Variants in NEK10 observed in about 807,000 individuals in gnomAD.
The protein encoded by NEK10 is serine/threonine-protein kinase Nek10.
NEK10 carries 122 observed loss-of-function variants against 159.8 expected under a neutral mutation model. That is an observed-to-expected ratio of 0.76 (90% CI 0.66 to 0.89). The LOEUF (loss-of-function observed/expected upper bound fraction) is 0.89. Ranked by LOEUF, NEK10 falls within the 40% of genes least tolerant of loss-of-function variation. NEK10 has a pLI of 0.00. For missense variants in NEK10, 1,342 were observed against 1,323.1 expected, an observed-to-expected ratio of 1.01 and a Z score of -0.22; for synonymous variants, 466 against 457.1, an observed-to-expected ratio of 1.02 and a Z score of -0.25.
intron 5 of NEK10, among the ~76,000 whole-genome samples, chr3:27,340,912 C>G (rs1286277442): frequency 6.6e-6 from 1 of 152,166 alleles, no homozygotes; most frequent in Non-Finnish European, 1.5e-5. Context: ...TTTATTGCAG[C>G]ACTGTTCACA....
At chr3:27,143,336 T>G (rs1286762221) in intron 30 of NEK10, 1 of 560,150 alleles carries the variant, frequency 1.8e-6, no homozygotes, top group Non-Finnish European at 3.2e-6. Context: ...GCAACATTCA[T>G]AGTTTATAGA....
intron 1 of NEK10, among the ~76,000 whole-genome samples, chr3:27,353,808 C>G (rs1419621969): frequency 6.6e-6 from 1 of 151,910 alleles, no homozygotes; most frequent in African/African-American, 2.4e-5. Flanking sequence ...GCGTTTCTAC[C>G]ACAAGCAAAA....
Position 27,291,505 on chromosome 3 carries a change from T to C in NEK10, c.1455A>G (p.Val485=), listed in dbSNP as rs772605538. 7.5e-6 allele frequency: 12 copies of C among 1,610,188 alleles called. No homozygotes were observed. The highest frequency in any genetic ancestry group is 1.0e-5 in the Non-Finnish European group (12 of 1,176,428). The change falls in exon 17 of 36, where the codon GTA becomes GTG. Residue 485 remains valine (V), a synonymous_variant. Transcript: ENST00000691995. The part of the protein sequence containing the change: ...VRDISAYEEL[V]SKLNLLVEDE... ...TTACCACTAATAAATTCAGCTTGGA[T>C]ACCAATTCTTCATAAGCACTGATAT... is the stretch of plus-strand genomic sequence containing the variant.
intron 23 of NEK10, among the ~76,000 whole-genome samples, chr3:27,228,456 G>A (rs922027065): frequency 6.6e-6 from 1 of 151,910 alleles, no homozygotes; most frequent in African/African-American, 2.4e-5. Context: ...TTAGCTAGAT[G>A]CTGTTGTTTT....
At chr3:27,201,624 G>A (rs372888210) in intron 24 of NEK10, 44 bp from the exon 25 acceptor site, 48 of 1,422,564 alleles carry the variant, frequency 3.4e-5, no homozygotes, top group African/African-American at 3.2e-4. Flanking sequence ...AAGGGGCCAC[G>A]GATGTCTTTG....
At chr3:27,167,881 C>A (rs1358390560) in intron 29 of NEK10, among the ~76,000 whole-genome samples, 3 of 152,188 alleles carry the variant, frequency 2.0e-5, no homozygotes, top group African/African-American at 7.2e-5. Flanking sequence ...TCTGAGCAGG[C>A]AGGGGCTATC....
At chr3:27,141,945 C>T (rs569985353) in intron 30 of NEK10, among the ~76,000 whole-genome samples, 1 of 152,202 alleles carries the variant, frequency 6.6e-6, no homozygotes, top group South Asian at 2.1e-4. Context: ...GGCTATCATG[C>T]TTTTAACTTT....
intron 25 of NEK10, among the ~76,000 whole-genome samples, chr3:27,199,072 C>CAA (rs35333904): frequency 2.2e-4 from 17 of 77,702 alleles, no homozygotes; most frequent in East Asian, 2.1e-3. Context: ...GACTCCATCT[C>CAA]AAAAAAAAAA....
chr3:27,259,036 T>C lies in NEK10; in HGVS notation c.2015-2665A>G, dbSNP rs866188712. Among the ~76,000 whole-genome samples the C allele has an allele frequency of 3.6e-4, 54 of 152,052 alleles. No homozygotes were observed. In the Middle Eastern group the frequency reaches 0.01, roughly 29 times the overall value. Reference sequence around the variant, plus strand: ...TGTCTTCTTTTGAGAAGTGTCTGTTTATATCCTTCACCCACTTGTTGATGC... The same window carrying C: ...TGTCTTCTTTTGAGAAGTGTCTGTTCATATCCTTCACCCACTTGTTGATGC... On this transcript the variant is annotated intron_variant, in intron 22 of 35. Coordinates refer to ENST00000691995, the MANE Select transcript of NEK10 (RefSeq NM_001394966.1).
chr3:27,121,981 T>G (rs1003579765), intron 32 of NEK10, among the ~76,000 whole-genome samples: 1 of 152,178 alleles, frequency 6.6e-6, no homozygotes, highest in African/African-American at 2.4e-5. Flanking sequence ...AAAAATTAAT[T>G]TTTTCCATCA....
chr3:27,260,934 C>T (rs2040355404), intron 22 of NEK10, among the ~76,000 whole-genome samples: 1 of 152,126 alleles, frequency 6.6e-6, no homozygotes, highest in African/African-American at 2.4e-5. Flanking sequence ...TCTACTTCTT[C>T]CTGGTTTAGT....
At chr3:27,216,868 T>C (rs1019513362) in intron 23 of NEK10, among the ~76,000 whole-genome samples, 4 of 152,216 alleles carry the variant, frequency 2.6e-5, no homozygotes, top group African/African-American at 9.7e-5. Flanking sequence ...TGGGGATAAA[T>C]GCTATGCAAT....
intron 30 of NEK10, chr3:27,162,413 C>T: frequency 6.3e-7 from 1 of 1,597,752 alleles, no homozygotes; most frequent in Non-Finnish European, 8.6e-7. Flanking sequence ...TATAATTCTG[C>T]ATTTGCCCAT....
chr3:27,245,434 C>G (rs139379512), intron 23 of NEK10, among the ~76,000 whole-genome samples: 1 of 152,148 alleles, frequency 6.6e-6, no homozygotes, highest in East Asian at 1.9e-4. Context: ...CCCAATCGGG[C>G]CTTGCAGCTC....
intron 23 of NEK10, among the ~76,000 whole-genome samples, chr3:27,230,141 A>G (rs1177560830): frequency 6.6e-6 from 1 of 152,122 alleles, no homozygotes; most frequent in Non-Finnish European, 1.5e-5. Flanking sequence ...TGACCTATAA[A>G]GAGAAACCGA....
intron 5 of NEK10, among the ~76,000 whole-genome samples, chr3:27,331,245 A>AT (rs1559513265): frequency 7.9e-6 from 1 of 127,042 alleles, no homozygotes; most frequent in African/African-American, 2.6e-5. Flanking sequence ...CTCAAAAAAA[A>AT]AAAAACAAAA....
intron 22 of NEK10, among the ~76,000 whole-genome samples, chr3:27,279,613 T>C (rs75278234): frequency 1.3e-4 from 20 of 152,346 alleles, no homozygotes; most frequent in African/African-American, 4.8e-4. Flanking sequence ...AAGTATTTTT[T>C]AAAGAATGAC....
chr3:27,257,482 C>A (rs1956324743), intron 22 of NEK10, among the ~76,000 whole-genome samples: 1 of 152,110 alleles, frequency 6.6e-6, no homozygotes, highest in Non-Finnish European at 1.5e-5. Context: ...TACTAAAATA[C>A]CTTTCAGGTC....
intron 26 of NEK10, among the ~76,000 whole-genome samples, chr3:27,180,663 GA>G (rs1331620463): frequency 3.3e-5 from 5 of 152,116 alleles, no homozygotes; most frequent in Non-Finnish European, 5.9e-5. Flanking sequence ...GTTACATAAG[GA>G]AAGGTCTAGT....
Sources: gnomAD v4.1 joint callset for allele counts (sites outside exome capture counted in the v4.1 genomes callset) on GRCh38, gnomAD v4.1.1 for gene constraint, MANE v1.5 for transcripts, NCBI Gene and HGNC (gene_info 2026-07-23, HGNC 2026-07-21) for gene names.